IMPG2: variants seen among roughly 807,000 people sequenced by gnomAD.
The protein encoded by IMPG2 is IPM 200.
In IMPG2, 91 loss-of-function variants were observed where a neutral mutation model predicts 129.2. The observed-to-expected ratio is 0.70, with a 90% confidence interval of 0.59 to 0.84. The LOEUF (loss-of-function observed/expected upper bound fraction) is 0.84. IMPG2 is among the 40% of genes least tolerant of loss of function. The pLI, the probability that IMPG2 is intolerant of heterozygous loss-of-function variation, is 0.00. For synonymous variants in IMPG2, 510 were observed against 517.7 expected (o/e 0.99, Z 0.20); for missense variants, 1,430 against 1,461.7 (o/e 0.98, Z 0.35).
intron 4 of IMPG2, 32 bp from the exon 5 acceptor site, chr3:101,276,745 T>C: frequency 1.3e-6 from 2 of 1,535,388 alleles, no homozygotes; most frequent in Non-Finnish European, 9.0e-7. Context: ...GTTAATAAAA[T>C]GACAGACACA....
chr3:101,232,784 C>G lies in IMPG2; in HGVS notation c.3230G>C (p.Cys1077Ser). ...CDIMPGHGAI[C>S]RCRVGENWWY... ...AAAATCTGTAACTACAACATACCTA[C>G]AAATGGCCCCGTGCCCAGGCATAAT... is the stretch of plus-strand genomic sequence containing the variant. The change falls in exon 15 of 19, where the codon TGT (cysteine) becomes TCT (serine). Residue 1077 changes from cysteine (C) to serine (S), a missense_variant. By Grantham distance (112) the Cys-to-Ser change is moderately radical (BLOSUM62 -1). Coordinates refer to ENST00000193391, the MANE Select transcript of IMPG2 (RefSeq NM_016247.4). 6.2e-7 allele frequency: 1 copy of G among 1,613,676 alleles called. No individual in the cohort carries two copies. Among genetic ancestry groups the G allele is most frequent in the Non-Finnish European group, 8.5e-7 (1 of 1,179,866 alleles).
At chr3:101,317,529 T>G (rs1224904155) in intron 2 of IMPG2, among the ~76,000 whole-genome samples, 1 of 152,166 alleles carries the variant, frequency 6.6e-6, no homozygotes, top group African/African-American at 2.4e-5. Flanking sequence ...AAACATTTGG[T>G]GTTAAGGGCA....
Position 101,232,968 on chromosome 3 carries a change from A to T in IMPG2, c.3046T>A (p.Phe1016Ile). The T allele has an allele frequency of 6.2e-7, 1 of 1,614,036 alleles. No homozygotes were observed. The highest frequency in any genetic ancestry group is 8.5e-7 in the Non-Finnish European group (1 of 1,179,988). The change falls in exon 15 of 19, where the codon TTT becomes ATT. Residue 1016 changes from phenylalanine (F) to isoleucine (I), a missense_variant. By Grantham distance (21) the Phe-to-Ile change is conservative. Transcript: ENST00000193391. Reference protein sequence around the residue: ...ESGDEANPCKFQACNEFSECL... With the variant: ...ESGDEANPCKIQACNEFSECL... ...TCTGAAAATTCATTACAGGCCTGAA[A>T]CTTGCAAGGGTTGGCTTCATCACCT...
intron 1 of IMPG2, 47 bp downstream of exon 1, chr3:101,320,241 A>G (rs2058804731): frequency 4.6e-6 from 5 of 1,080,178 alleles, no homozygotes; most frequent in Non-Finnish European, 5.7e-6. Flanking sequence ...TGAAGAACAT[A>G]TACTACAGAT....
At chr3:101,290,336 G>C (rs994403477) in intron 4 of IMPG2, among the ~76,000 whole-genome samples, 3 of 151,932 alleles carry the variant, frequency 2.0e-5, no homozygotes, top group African/African-American at 7.3e-5. Context: ...GCAAAACCCT[G>C]TTTCTACAGA....
intron 9 of IMPG2, among the ~76,000 whole-genome samples, chr3:101,260,707 C>T (rs1396994195): frequency 6.6e-6 from 1 of 152,136 alleles, no homozygotes; most frequent in Admixed American, 6.5e-5. Context: ...CCTTCTTCAC[C>T]TGGCTATTTC....
At chr3:101,294,451 C>T (rs1576766576) in intron 3 of IMPG2, among the ~76,000 whole-genome samples, 2 of 152,280 alleles carry the variant, frequency 1.3e-5, no homozygotes, top group South Asian at 4.2e-4. Flanking sequence ...CATAGTATTC[C>T]ATGGTGTATA....
intron 15 of IMPG2, among the ~76,000 whole-genome samples, chr3:101,231,876 G>A (rs768497727): frequency 4.6e-5 from 7 of 152,048 alleles, no homozygotes; most frequent in Non-Finnish European, 7.4e-5. Context: ...GATGACAGTC[G>A]GGCTAACTGA....
rs780713627 is a variant in IMPG2, at chr3:101,257,661, G to A, written c.1021C>T (p.Leu341=). ...TAAACAACAGTGGGTTTATCATCCA[G>A]TTCCACAAGGCCATGGTTTTCCACC... ...NKVENHGLVE[L]DDKPTVVYTI... is the part of the protein sequence containing the mutation. Residue 341 remains leucine, a synonymous_variant, in exon 10 of 19, where the codon CTG becomes TTG. Coordinates refer to ENST00000193391, the MANE Select transcript of IMPG2 (RefSeq NM_016247.4). 1.9e-6 allele frequency: 3 copies of A among 1,613,476 alleles called. No homozygotes were observed. Among genetic ancestry groups the A allele is most frequent in the Admixed American group, 3.3e-5 (2 of 59,872 alleles).
Position 101,228,836 on chromosome 3 carries a change from T to C in IMPG2, c.3674A>G (p.Asn1225Ser), listed in dbSNP as rs533644399. 5.7e-5 allele frequency: 92 copies of C among 1,614,054 alleles called. No individual in the cohort carries two copies. In the South Asian group the frequency reaches 8.5e-4, roughly 15 times the overall value. ...ERMRVLELYA[N>S]DPEFAAFVRE... ...CACAAAAGCTGCAAACTCAGGATCATTGGCATACAGTTCCAAAACTCTCAT... is the reference window on the plus strand; with the variant it reads ...CACAAAAGCTGCAAACTCAGGATCACTGGCATACAGTTCCAAAACTCTCAT... The change falls in exon 18 of 19, where the codon AAT (asparagine) becomes AGT (serine). Residue 1225 changes from asparagine (N) to serine (S), a missense_variant. Transcript: ENST00000193391.
intron 4 of IMPG2, among the ~76,000 whole-genome samples, chr3:101,286,994 T>C (rs539554373): frequency 1.4e-4 from 21 of 152,312 alleles, no homozygotes; most frequent in African/African-American, 4.8e-4. Context: ...ATCAGGTATT[T>C]ATTAGTTGAT....
intron 2 of IMPG2, 120 bp downstream of exon 2, chr3:101,319,464 G>C: frequency 8.9e-7 from 1 of 1,120,334 alleles, no homozygotes; most frequent in South Asian, 1.2e-5. Context: ...CAGTAGAAAG[G>C]TAGTTTTGGC....
In IMPG2 at chr3:101,223,159, TG is replaced by T. The variant is rs1706183644; in HGVS notation, c.*3809del. 1.3e-5 allele frequency: 2 copies of T among 152,238 alleles called. No homozygotes were observed. The highest frequency in any genetic ancestry group is 4.8e-5 in the African/African-American group (2 of 41,458). The allele number at this position is 152,238 out of a possible 1,614,324, so 9.4% of individuals were successfully genotyped here. On this transcript the variant is annotated 3_prime_UTR_variant, in exon 19 of 19. Transcript: ENST00000193391. Reference sequence around the variant, plus strand: ...TTCCACCTTCCGCCAGGATATCCTTTGTGGAATACAATGCAATGGATTTGAG... The same window carrying T: ...TTCCACCTTCCGCCAGGATATCCTTTTGGAATACAATGCAATGGATTTGAG...
chr3:101,244,536 C>T lies in IMPG2; in HGVS notation c.1795G>A (p.Gly599Ser), dbSNP rs368525575. Residue 599 changes from glycine to serine, a missense_variant, in exon 13 of 19, where the codon GGT (glycine) becomes AGT (serine). Coordinates refer to ENST00000193391, the MANE Select transcript of IMPG2 (RefSeq NM_016247.4). ...TGCCCAGACCCTGAACCTAAACCAC[C>T]GTCAAATATTAACTCTTTTTCCATG... ...ASMEKELIFDGGLGSGSGQKV... is the reference protein window; with the variant it reads ...ASMEKELIFDSGLGSGSGQKV... The T allele has an allele frequency of 1.1e-5, 17 of 1,597,082 alleles. No individual in the cohort carries two copies. The highest frequency in any genetic ancestry group is 6.8e-5 in the African/African-American group (5 of 74,016).
intron 14 of IMPG2, among the ~76,000 whole-genome samples, chr3:101,239,935 G>T (rs1706388620): frequency 6.6e-6 from 1 of 152,142 alleles, no homozygotes; most frequent in South Asian, 2.1e-4. Context: ...GAGTGCTAGA[G>T]GAGGGATAGC....
chr3:101,250,584 C>A (rs1332539813), intron 11 of IMPG2, among the ~76,000 whole-genome samples: 1 of 152,300 alleles, frequency 6.6e-6, no homozygotes, highest in East Asian at 1.9e-4. Context: ...AGACTGGAAG[C>A]AGCCAAGTCT....
intron 9 of IMPG2, among the ~76,000 whole-genome samples, 163 bp from the exon 10 acceptor site, chr3:101,257,936 T>G (rs1357421136): frequency 6.6e-6 from 1 of 152,004 alleles, no homozygotes; most frequent in Non-Finnish European, 1.5e-5. Context: ...TGCCATCCTC[T>G]CCTCCTTCCC....
intron 11 of IMPG2, among the ~76,000 whole-genome samples, chr3:101,247,613 A>C (rs916015406): frequency 6.6e-6 from 1 of 151,988 alleles, no homozygotes; most frequent in Non-Finnish European, 1.5e-5. Flanking sequence ...AAAAAAAAAA[A>C]AGTAGGTATT....
At chr3:101,291,784 C>T (rs1467503082) in intron 3 of IMPG2, among the ~76,000 whole-genome samples, 1 of 152,116 alleles carries the variant, frequency 6.6e-6, no homozygotes, top group Non-Finnish European at 1.5e-5. Flanking sequence ...TGCCAATCAT[C>T]TTATGAACAT....
Sources: gnomAD v4.1 joint callset for allele counts (sites outside exome capture counted in the v4.1 genomes callset) on GRCh38, gnomAD v4.1.1 for gene constraint, MANE v1.5 for transcripts, NCBI Gene and HGNC (gene_info 2026-07-23, HGNC 2026-07-21) for gene names.